The following DPP6 variants were observed in gnomAD, a reference collection of about 807,000 sequenced individuals.
DPP6 encodes the protein dipeptidyl peptidase like 6.
DPP6 carries 69 observed loss-of-function variants against 122.6 expected under a neutral mutation model. The ratio of observed to expected loss-of-function variants is 0.56; its 90% confidence interval spans 0.46 to 0.69. The LOEUF (loss-of-function observed/expected upper bound fraction) is 0.69. Ranked by LOEUF, DPP6 falls within the 30% of genes least tolerant of loss-of-function variation. DPP6 has a pLI of 0.00. For missense variants in DPP6, 928 were observed against 1,116.9 expected (o/e 0.83, Z 2.41); for synonymous variants, 418 against 433.1 (o/e 0.97, Z 0.43).
chr7:154,008,577 C>T (rs1270110676), intron 1 of DPP6, among the ~76,000 whole-genome samples: 6 of 151,958 alleles, frequency 3.9e-5, no homozygotes, highest in African/African-American at 1.5e-4. Context: ...AGAACCTTCT[C>T]TCTGAAAAGC....
rs554598568 is a variant in DPP6, at chr7:154,129,056, C to A, written c.243+75993C>A. Among the ~76,000 whole-genome samples the A allele has an allele frequency of 9.1e-4, 139 of 152,144 alleles. 2 individuals are homozygous for A. The Middle Eastern group carries it at 0.014, about 15-fold the overall frequency. On this transcript the variant is annotated intron_variant, in intron 1 of 25. Coordinates refer to ENST00000377770, the MANE Select transcript of DPP6 (RefSeq NM_130797.4). ...TCAGAGATTCTTACAAACCCACCAC[C>A]CCCCGACACACCCCCAAGAAGAAAA...
At chr7:153,882,657 T>C (rs536056345), upstream of DPP6, among the ~76,000 whole-genome samples, 101 of 152,322 alleles carry the variant, frequency 6.6e-4, no homozygotes, top group African/African-American at 2.4e-3. Context: ...AATGGCTGCA[T>C]TGTGATAGGT....
rs768813548 is a variant in DPP6 at position 154,880,910 on chromosome 7, A to G, written c.2101A>G (p.Ile701Val). 7 of 1,613,956 alleles carry G rather than the reference A, an allele frequency of 4.3e-6. No homozygotes were observed. The highest frequency in any genetic ancestry group is 1.1e-5 in the South Asian group (1 of 91,086). The part of the protein sequence containing the change: ...AVRTMLKEQY[I>V]DRTRVAVFGK... ...CAGGACGATGCTGAAGGAGCAGTAC[A>G]TTGACAGGACGCGCGTGGCCGTGTT... is the stretch of plus-strand genomic sequence containing the variant. The change falls in exon 21 of 26, where the codon ATT becomes GTT. Residue 701 changes from isoleucine (I) to valine (V), a missense_variant. Transcript: ENST00000377770.
intron 3 of DPP6, among the ~76,000 whole-genome samples, chr7:154,510,586 C>T (rs1450695698): frequency 6.6e-6 from 1 of 151,574 alleles, no homozygotes; most frequent in African/African-American, 2.4e-5. Flanking sequence ...GTAATCCCAG[C>T]GACTTGGGAG....
Position 154,282,238 on chromosome 7 carries a change from T to G in DPP6, c.244-163976T>G, listed in dbSNP as rs971504105. ...AGAAGACTCCAATCTGTGGTTTTCA[T>G]TGATGGTGGCAGCTTTAGCCAGGCA... On this transcript the variant is annotated intron_variant, in intron 1 of 25. Coordinates refer to ENST00000377770, the MANE Select transcript of DPP6 (RefSeq NM_130797.4). This position sits in a 1 kb window ranked among gnomAD's most constrained non-coding sequence, Gnocchi z 4.8. Among the ~76,000 whole-genome samples the G allele has an allele frequency of 6.6e-6, 1 of 152,140 alleles. No homozygotes were observed. The highest frequency in any genetic ancestry group is 1.5e-5 in the Non-Finnish European group (1 of 68,006).
chr7:154,199,243 G>A (rs77542251), intron 1 of DPP6, among the ~76,000 whole-genome samples: 3,689 of 152,222 alleles, frequency 0.024, 174 homozygotes, highest in African/African-American at 0.083. Flanking sequence ...AAGGCTGTAC[G>A]GAGATAGGTG....
intron 1 of DPP6, among the ~76,000 whole-genome samples, chr7:154,238,551 C>T (rs1027533205): frequency 6.6e-5 from 10 of 152,116 alleles, no homozygotes; most frequent in Non-Finnish European, 1.3e-4. Context: ...ACTATTGTTC[C>T]CATGATTCAG....
chr7:154,828,218 A>G (rs2150514345), intron 16 of DPP6, among the ~76,000 whole-genome samples: 1 of 152,286 alleles, frequency 6.6e-6, no homozygotes, highest in Non-Finnish European at 1.5e-5. Context: ...TTTGGGGAAG[A>G]TGGGGCATCA....
At chr7:154,652,539 A>G (rs1292886395) in intron 6 of DPP6, among the ~76,000 whole-genome samples, 1 of 152,048 alleles carries the variant, frequency 6.6e-6, no homozygotes, top group Non-Finnish European at 1.5e-5. Context: ...GACCACAGTG[A>G]CAGAGCCCAC....
intron 2 of DPP6, among the ~76,000 whole-genome samples, chr7:154,461,939 T>C (rs1821335616): frequency 6.6e-6 from 1 of 152,224 alleles, no homozygotes; most frequent in South Asian, 2.1e-4. Context: ...TTTTACCTAG[T>C]ACAGTGTCCT....
In DPP6 at chr7:154,602,772, G is replaced by A. The variant is rs141075647; in HGVS notation, c.628-35049G>A. ...ATCCTTTTTTTTTTTTTTTGAGACA[G>A]GGTCTTACTCTGTCACCCAGCCTGG... On this transcript the variant is annotated intron_variant, in intron 5 of 25. Coordinates refer to ENST00000377770, the MANE Select transcript of DPP6 (RefSeq NM_130797.4). 1.4e-3 allele frequency among the ~76,000 whole-genome samples: 160 copies of A among 111,548 alleles called. 26 individuals are homozygous for A. Among genetic ancestry groups the A allele is most frequent in the African/African-American group, 4.2e-3 (147 of 34,978 alleles). 73.2% of individuals were successfully genotyped at this position (111,548 alleles called of 152,430 possible). A position where few individuals can be genotyped will look rare whatever the true frequency, so the allele number is the denominator to read the frequency against.
At chr7:154,713,489 A>G (rs886224865) in intron 7 of DPP6, among the ~76,000 whole-genome samples, 1 of 152,308 alleles carries the variant, frequency 6.6e-6, no homozygotes, top group East Asian at 1.9e-4. Flanking sequence ...ATTTCCATAC[A>G]TCTTCTGAAA....
chr7:154,412,201 G>A (rs1337931014), intron 1 of DPP6, among the ~76,000 whole-genome samples: 1 of 152,088 alleles, frequency 6.6e-6, no homozygotes. Flanking sequence ...TCCTAATCTT[G>A]GGGGTTAGGA....
intron 7 of DPP6, among the ~76,000 whole-genome samples, chr7:154,694,170 A>G (rs1317874168): frequency 6.6e-6 from 1 of 152,110 alleles, no homozygotes; most frequent in African/African-American, 2.4e-5. Context: ...TGTCTTTTGT[A>G]AGGGCACTAA....
At chr7:154,524,697 G>T (rs78528096) in intron 3 of DPP6, among the ~76,000 whole-genome samples, 2 of 152,134 alleles carry the variant, frequency 1.3e-5, no homozygotes, top group Admixed American at 1.3e-4. Context: ...GCACCAGCCC[G>T]CTTCTACTTA....
the DPP6 span, among the ~76,000 whole-genome samples, chr7:153,801,607 C>T: frequency 6.6e-6 from 1 of 152,170 alleles, no homozygotes; most frequent in Admixed American, 6.5e-5. Context: ...GAGAGCCACA[C>T]AGACCCCTAA....
intron 1 of DPP6, among the ~76,000 whole-genome samples, chr7:153,964,393 C>T (rs554324046): frequency 3.4e-4 from 52 of 152,216 alleles, no homozygotes; most frequent in Non-Finnish European, 4.6e-4. Context: ...CTCTTGTTGG[C>T]GTTTCTGAAA....
the DPP6 span, among the ~76,000 whole-genome samples, chr7:153,784,805 T>C: frequency 2.0e-5 from 3 of 152,224 alleles, no homozygotes; most frequent in African/African-American, 7.2e-5. Flanking sequence ...GGGAATGGTA[T>C]AAAGTGGATA....
chr7:154,117,271 G>A (rs1447530056), intron 1 of DPP6, among the ~76,000 whole-genome samples: 1 of 152,148 alleles, frequency 6.6e-6, no homozygotes, highest in African/African-American at 2.4e-5. Context: ...AGAGATCAAG[G>A]TACAAGACAC....
Sources: allele counts gnomAD v4.1 joint callset (sites outside exome capture counted in the v4.1 genomes callset), GRCh38; gene constraint gnomAD v4.1.1; non-coding constraint Gnocchi (gnomAD v3.1); transcripts MANE v1.5; gene names NCBI Gene and HGNC (gene_info 2026-07-23, HGNC 2026-07-21).